The following TTPAL variants were observed in gnomAD, a reference collection of about 807,000 sequenced individuals.
TTPAL encodes alpha-tocopherol transfer protein-like.
A neutral mutation model predicts 28.7 loss-of-function variants in TTPAL; 21 were observed. That is an observed-to-expected ratio of 0.73 (90% CI 0.52 to 1.06). The LOEUF is 1.06. TTPAL is among the 50% of genes least tolerant of loss of function. The pLI, the probability that TTPAL is intolerant of heterozygous loss-of-function variation, is 0.00. For synonymous variants in TTPAL, 169 were observed against 171.9 expected (o/e 0.98, Z 0.13); for missense variants, 345 against 425.5 (o/e 0.81, Z 1.67).
intron 3 of TTPAL, among the ~76,000 whole-genome samples, chr20:44,485,650 G>C (rs1247802914): frequency 2.6e-5 from 4 of 152,160 alleles, no homozygotes; most frequent in African/African-American, 9.7e-5. Flanking sequence ...TTCTGGCTTT[G>C]AGCCAACCCT....
chr20:44,490,987 A>G lies in TTPAL; in HGVS notation c.*1446A>G, dbSNP rs2122966278. 1 of 151,406 alleles carries G rather than the reference A, an allele frequency of 6.6e-6. No individual in the cohort carries two copies. Among genetic ancestry groups the G allele is most frequent in the East Asian group, 1.9e-4 (1 of 5,168 alleles). 9.4% of individuals were successfully genotyped at this position (151,406 alleles called of 1,614,324 possible). A position where few individuals can be genotyped will look rare whatever the true frequency, so the allele number is the denominator to read the frequency against. On this transcript the variant is annotated 3_prime_UTR_variant, in exon 5 of 5. Coordinates refer to ENST00000262605, the MANE Select transcript of TTPAL (RefSeq NM_001039199.3). ...GCTACTCGGGAGGCTGAGGCAGAAG[A>G]ATCACGTGAACCCAGGAGGCAGAAG...
chr20:44,480,438 C>A lies in TTPAL; in HGVS notation c.439C>A (p.Arg147Ser), dbSNP rs764981264. Residue 147 changes from arginine (R) to serine (S), a missense_variant, in exon 2 of 5, where the codon CGC becomes AGC. Physicochemically the swap from Arg to Ser is moderately radical, Grantham distance 110. Transcript: ENST00000262605. This position sits in a 1 kb window ranked among gnomAD's most constrained non-coding sequence, Gnocchi z 4.1. ...DPRGCHVVCI[R>S]PDRWIPSNYP... Reference sequence around the variant, plus strand: ...CAGGGGCTGCCATGTCGTCTGCATCCGCCCAGGTATCTCCCTAGACTGTTG... The same window carrying A: ...CAGGGGCTGCCATGTCGTCTGCATCAGCCCAGGTATCTCCCTAGACTGTTG... The A allele has an allele frequency of 2.5e-6, 4 of 1,598,184 alleles. No individual in the cohort carries two copies. The highest frequency in any genetic ancestry group is 3.4e-6 in the Non-Finnish European group (4 of 1,170,870).
rs756325091 is a variant in TTPAL, at chr20:44,484,334, TAGAC to T, written c.447_450del (p.Arg150GlyfsTer17). ...ACATACTGTCAATCTCTTATGACCT[TAGAC>T]AGATGGATACCAAGCAACTATCCAA... is the stretch of plus-strand genomic sequence containing the variant. On this transcript the variant is annotated splice_acceptor_variant and coding_sequence_variant, in exon 3 of 5. Coordinates refer to ENST00000262605, the MANE Select transcript of TTPAL (RefSeq NM_001039199.3). LOFTEE classifies it high-confidence loss of function. 1.3e-6 allele frequency: 2 copies of T among 1,564,610 alleles called. No individual in the cohort carries two copies. The highest frequency in any genetic ancestry group is 1.7e-5 in the Admixed American group (1 of 59,140).
At position 44,479,846 on chromosome 20, in the gene TTPAL, C is replaced by A. The variant is rs79235469; in HGVS notation, c.-15-139C>A. The A allele has an allele frequency of 5.3e-4, 380 of 723,316 alleles. 4 individuals are homozygous for A. In the East Asian group the frequency reaches 9.7e-3, roughly 18 times the overall value. The allele number at this position is 723,316 out of a possible 1,614,324, so 44.8% of individuals were successfully genotyped here. A position where few individuals can be genotyped will look rare whatever the true frequency, so the allele number is the denominator to read the frequency against. ...CAGACTTGCGTGTATGGTTTAGATCCAGTTCATTGCCCCCAGTTGAGAAAC... is the reference window on the plus strand; with the variant it reads ...CAGACTTGCGTGTATGGTTTAGATCAAGTTCATTGCCCCCAGTTGAGAAAC... On this transcript the variant is annotated intron_variant, in intron 1 of 4. Transcript: ENST00000262605.
Position 44,480,052 on chromosome 20 carries a change from C to G in TTPAL, c.53C>G (p.Ser18Cys). ...ACCAGCCCTTCTGTGGCCTCACTCT[C>G]TGAAAATGAGCTGCCACCACCACCT... ...LRTSPSVASL[S>C]ENELPPPPEP... The change falls in exon 2 of 5, where the codon TCT becomes TGT. Residue 18 changes from serine to cysteine, a missense_variant. Coordinates refer to ENST00000262605, the MANE Select transcript of TTPAL (RefSeq NM_001039199.3). The surrounding 1 kb of genome is among the most constrained non-coding windows in gnomAD (Gnocchi z 4.1). The G allele has an allele frequency of 6.2e-7, 1 of 1,614,186 alleles. No individual in the cohort carries two copies.
At position 44,493,792 on chromosome 20, in the gene TTPAL, TG is replaced by T. The variant is rs1600802931; in HGVS notation, c.*4254del. ...TTCATGCCCTGTAATCCTAGAACTT[TG>T]GGAGGCTGAAGGGGGGGCGGATCAT... On this transcript the variant is annotated 3_prime_UTR_variant, in exon 5 of 5. Transcript: ENST00000262605. The T allele has an allele frequency of 1.3e-5, 2 of 152,314 alleles. No individual in the cohort carries two copies. The highest frequency in any genetic ancestry group is 4.8e-5 in the African/African-American group (2 of 41,410). The allele number at this position is 152,314 out of a possible 1,614,324, so 9.4% of individuals were successfully genotyped here. A position where few individuals can be genotyped will look rare whatever the true frequency, so the allele number is the denominator to read the frequency against.
At chr20:44,478,092 C>T (rs2064062672) in intron 1 of TTPAL, among the ~76,000 whole-genome samples, 1 of 152,206 alleles carries the variant, frequency 6.6e-6, no homozygotes. Context: ...GCACTTCAGC[C>T]TGGGTGACAG....
In TTPAL at chr20:44,489,112, G is replaced by A. The variant is rs557427555; in HGVS notation, c.751-151G>A. ...GAAAAGAGAATTAAGGATACTCCAGGCTTTCTGGGCTGAAAAAGTAAGGGT... is the reference window on the plus strand; with the variant it reads ...GAAAAGAGAATTAAGGATACTCCAGACTTTCTGGGCTGAAAAAGTAAGGGT... On this transcript the variant is annotated intron_variant, in intron 4 of 4. Coordinates refer to ENST00000262605, the MANE Select transcript of TTPAL (RefSeq NM_001039199.3). 835 of 829,250 alleles carry A rather than the reference G, an allele frequency of 1.0e-3. 14 individuals are homozygous for A. The South Asian group carries it at 0.015, about 15-fold the overall frequency. 51.4% of individuals were successfully genotyped at this position (829,250 alleles called of 1,614,324 possible).
At position 44,491,896 on chromosome 20, in the gene TTPAL, C is replaced by T. The variant is rs1293378060; in HGVS notation, c.*2355C>T. Reference sequence around the variant, plus strand: ...ATTCTACACTGCATTCCTGGCCAGTCGCATTTGTTTTAATGCAGGCATGGC... The same window carrying T: ...ATTCTACACTGCATTCCTGGCCAGTTGCATTTGTTTTAATGCAGGCATGGC... On this transcript the variant is annotated 3_prime_UTR_variant, in exon 5 of 5. Transcript: ENST00000262605. 6.6e-6 allele frequency: 1 copy of T among 152,444 alleles called. No individual in the cohort carries two copies. The highest frequency in any genetic ancestry group is 6.5e-5 in the Admixed American group (1 of 15,304). 9.4% of individuals were successfully genotyped at this position (152,444 alleles called of 1,614,324 possible).
chr20:44,488,359 G>A (rs919431136), intron 4 of TTPAL, among the ~76,000 whole-genome samples: 3 of 152,166 alleles, frequency 2.0e-5, no homozygotes, highest in Admixed American at 6.5e-5. Context: ...TGTGAAATGC[G>A]CTGATTTGGG....
chr20:44,483,878 A>G (rs939950057), intron 2 of TTPAL, among the ~76,000 whole-genome samples: 3 of 152,082 alleles, frequency 2.0e-5, no homozygotes, highest in Non-Finnish European at 4.4e-5. Context: ...CTGCAGCCTC[A>G]ACCTCCTGAG....
At chr20:44,488,381 T>G (rs1187789473) in intron 4 of TTPAL, among the ~76,000 whole-genome samples, 22 of 152,248 alleles carry the variant, frequency 1.4e-4, no homozygotes, top group Admixed American at 1.3e-3. Context: ...CCCACAATGT[T>G]CTTCGTTTGT....
At chr20:44,485,872 G>A (rs566200386) in intron 3 of TTPAL, 10 of 152,330 alleles carry the variant, frequency 6.6e-5, no homozygotes. Context: ...GAACAGGAAT[G>A]CAGTTAAGGA....
Position 44,484,389 on chromosome 20 carries a change from C to T in TTPAL, c.498C>T (p.Tyr166=), listed in dbSNP as rs760578798. ...YPITENIRAI[Y]LTLEKLIQSE... ...TTACTGAAAACATCCGAGCCATATACTTGACCTTAGAAAAACTCATTCAGT... is the reference window on the plus strand; with the variant it reads ...TTACTGAAAACATCCGAGCCATATATTTGACCTTAGAAAAACTCATTCAGT... The change falls in exon 3 of 5, where the codon TAC becomes TAT. Residue 166 remains tyrosine, a synonymous_variant. Transcript: ENST00000262605. The T allele has an allele frequency of 1.2e-6, 2 of 1,604,076 alleles. No homozygotes were observed. Among genetic ancestry groups the T allele is most frequent in the Non-Finnish European group, 1.7e-6 (2 of 1,171,822 alleles).
chr20:44,485,218 G>C (rs939262575), intron 3 of TTPAL, among the ~76,000 whole-genome samples: 1 of 152,118 alleles, frequency 6.6e-6, no homozygotes, highest in African/African-American at 2.4e-5. Flanking sequence ...CTGTTGGGCT[G>C]TATTTTGGTC....
rs2064187518 is a variant in TTPAL at position 44,489,714 on chromosome 20, T to G, written c.*173T>G. ...ATTTTGGGGTAAGCCTTTGGTTACT[T>G]TAATTACTCCATGGAAGACATGGAA... On this transcript the variant is annotated 3_prime_UTR_variant, in exon 5 of 5. Transcript: ENST00000262605. 2 of 654,090 alleles carry G rather than the reference T, an allele frequency of 3.1e-6. No individual in the cohort carries two copies. The allele number at this position is 654,090 out of a possible 1,614,324, so 40.5% of individuals were successfully genotyped here.
In TTPAL at chr20:44,489,259, T is replaced by C. The variant is rs2064180750; in HGVS notation, c.751-4T>C. 2 of 1,610,822 alleles carry C rather than the reference T, an allele frequency of 1.2e-6. No individual in the cohort carries two copies. The highest frequency in any genetic ancestry group is 1.7e-6 in the Non-Finnish European group (2 of 1,177,312). On this transcript the variant is annotated splice_polypyrimidine_tract_variant and splice_region_variant and intron_variant, in intron 4 of 4. Transcript: ENST00000262605. ...ATGTGTGTTTTCATTTCATTCCCTT[T>C]TAGTTCTTCCTCCATGGGTCTGACT...
At chr20:44,485,735 T>C (rs2064145756) in intron 3 of TTPAL, 1 of 152,130 alleles carries the variant, frequency 6.6e-6, no homozygotes, top group Non-Finnish European at 1.5e-5. Context: ...GGATCAAGAG[T>C]GTGGATCAGT....
chr20:44,489,882 A>C lies in TTPAL; in HGVS notation c.*341A>C. ...TTGGAAGCAAGAACAATCAGGACCAAAGTCACTTTGATCCCACTTTTCCAG... is the reference window on the plus strand; with the variant it reads ...TTGGAAGCAAGAACAATCAGGACCACAGTCACTTTGATCCCACTTTTCCAG... On this transcript the variant is annotated 3_prime_UTR_variant, in exon 5 of 5. Coordinates refer to ENST00000262605, the MANE Select transcript of TTPAL (RefSeq NM_001039199.3). 1 of 233,908 alleles carries C rather than the reference A, an allele frequency of 4.3e-6. No individual in the cohort carries two copies. Among genetic ancestry groups the C allele is most frequent in the Non-Finnish European group, 8.4e-6 (1 of 118,460 alleles). The allele number at this position is 233,908 out of a possible 1,614,324, so 14.5% of individuals were successfully genotyped here. A position where few individuals can be genotyped will look rare whatever the true frequency, so the allele number is the denominator to read the frequency against.
Sources: allele counts gnomAD v4.1 joint callset (sites outside exome capture counted in the v4.1 genomes callset), GRCh38; gene constraint gnomAD v4.1.1; non-coding constraint Gnocchi (gnomAD v3.1); transcripts MANE v1.5; gene names NCBI Gene and HGNC (gene_info 2026-07-23, HGNC 2026-07-21).